The following GALNT14 variants were observed in gnomAD, a reference collection of about 807,000 sequenced individuals.
The protein encoded by GALNT14 is polypeptide N-acetylgalactosaminyltransferase 14, also known as UDP-GalNAc:polypeptide N-acetylgalactosaminyltransferase 14.
In GALNT14, 60 loss-of-function variants were observed where a neutral mutation model predicts 77.5. The observed-to-expected ratio is 0.77, with a 90% CI of 0.63 to 0.96. The LOEUF is 0.96. Among genes scored for constraint, GALNT14 ranks in the 40% least tolerant of loss-of-function variants. GALNT14 has a pLI of 0.00. For missense variants in GALNT14, 710 were observed against 731.0 expected (o/e 0.97, Z 0.33); for synonymous variants, 280 against 281.7 (o/e 0.99, Z 0.06).
chr2:31,074,354 A>C (rs1192140761), intron 1 of GALNT14, among the ~76,000 whole-genome samples: 1 of 152,158 alleles, frequency 6.6e-6, no homozygotes, highest in Non-Finnish European at 1.5e-5. Context: ...GTGACAGTCC[A>C]TATGCAGCGC....
intron 9 of GALNT14, among the ~76,000 whole-genome samples, 186 bp downstream of exon 9, chr2:30,942,015 C>A (rs1028245487): frequency 1.3e-5 from 2 of 152,126 alleles, no homozygotes; most frequent in African/African-American, 4.8e-5. Context: ...CACCCTCCAA[C>A]AACTATTCCT....
At chr2:30,989,389 T>G (rs959400428) in intron 2 of GALNT14, among the ~76,000 whole-genome samples, 28 of 151,748 alleles carry the variant, frequency 1.8e-4, no homozygotes, top group African/African-American at 6.5e-4. Context: ...GGGGTATAGA[T>G]GTGTGCTCCG....
chr2:31,059,219 C>G (rs555571381), intron 1 of GALNT14, among the ~76,000 whole-genome samples: 1 of 152,288 alleles, frequency 6.6e-6, no homozygotes, highest in African/African-American at 2.4e-5. Context: ...AGTCTTGTGG[C>G]TCTACCCTCC....
chr2:30,984,487 G>T (rs1192066026), intron 2 of GALNT14, among the ~76,000 whole-genome samples: 1 of 152,170 alleles, frequency 6.6e-6, no homozygotes, highest in Non-Finnish European at 1.5e-5. Flanking sequence ...GCATTCCAGG[G>T]TTTACTGAAT....
chr2:31,137,106 A>G (rs905131464), intron 1 of GALNT14, among the ~76,000 whole-genome samples: 1 of 152,198 alleles, frequency 6.6e-6, no homozygotes, highest in Non-Finnish European at 1.5e-5. Context: ...GAAGGCTACC[A>G]TGTCACGAAA....
chr2:31,002,659 G>C (rs1670436455), intron 1 of GALNT14, among the ~76,000 whole-genome samples: 1 of 152,186 alleles, frequency 6.6e-6, no homozygotes, highest in Admixed American at 6.5e-5. Context: ...GAGGGAGACG[G>C]TGCAACATAA....
At chr2:30,932,010 C>T (rs751627966) in intron 10 of GALNT14, 58 bp downstream of exon 10, 21 of 1,431,678 alleles carry the variant, frequency 1.5e-5, no homozygotes, top group South Asian at 7.9e-5. Flanking sequence ...TACCAGCAGC[C>T]GCCCAGCCTT....
At chr2:31,131,740 G>A (rs1033016349) in intron 1 of GALNT14, among the ~76,000 whole-genome samples, 2 of 152,174 alleles carry the variant, frequency 1.3e-5, no homozygotes, top group African/African-American at 4.8e-5. Flanking sequence ...TGGGCTTCAG[G>A]CGTCAGCCCA....
chr2:31,058,850 C>T (rs1318848381), intron 1 of GALNT14, among the ~76,000 whole-genome samples: 7 of 152,182 alleles, frequency 4.6e-5, no homozygotes, highest in South Asian at 2.1e-4. Flanking sequence ...CTGCCAAATA[C>T]GAGAACCAGG....
intron 2 of GALNT14, among the ~76,000 whole-genome samples, chr2:30,972,349 C>A (rs975348389): frequency 5.9e-5 from 9 of 152,286 alleles, no homozygotes; most frequent in African/African-American, 1.4e-4. Context: ...ATCAAACAGG[C>A]CTGGCGTGGC....
intron 1 of GALNT14, among the ~76,000 whole-genome samples, chr2:30,995,129 G>A (rs909070832): frequency 8.7e-6 from 1 of 115,000 alleles, no homozygotes. Context: ...CAGAACCAAT[G>A]TTGTGTGTGT....
In GALNT14 at chr2:30,937,221, T is replaced by C. The variant is rs117022034; in HGVS notation, c.931+4980A>G. On this transcript the variant is annotated intron_variant, in intron 9 of 14. Transcript: ENST00000349752. ...CACATAATCCTCGTTTAACAATCCC[T>C]GCTCTCTGAAAGAGAAGGCAGCTCA... 6.9e-4 allele frequency among the ~76,000 whole-genome samples: 105 copies of C among 152,372 alleles called. No homozygotes were observed. The East Asian group carries it at 0.015, about 22-fold the overall frequency.
intron 13 of GALNT14, among the ~76,000 whole-genome samples, chr2:30,920,660 C>T (rs562159076): frequency 5.9e-4 from 89 of 151,986 alleles, no homozygotes; most frequent in African/African-American, 1.9e-3. Context: ...CACACACACA[C>T]ACATAGGCAC....
chr2:30,908,595 G>A (rs1664208197), downstream of GALNT14, among the ~76,000 whole-genome samples: 1 of 141,104 alleles, frequency 7.1e-6, no homozygotes, highest in Admixed American at 7.1e-5. Flanking sequence ...CATGCTCATG[G>A]GTAGGAAGAA....
intron 1 of GALNT14, chr2:31,078,949 T>G (rs190736722): frequency 1.6e-6 from 2 of 1,289,212 alleles, no homozygotes; most frequent in Admixed American, 2.3e-5. Context: ...ACGACTCATC[T>G]TGGGCCATGG....
At chr2:30,990,968 C>T (rs77918726) in intron 2 of GALNT14, among the ~76,000 whole-genome samples, 7,044 of 152,260 alleles carry the variant, frequency 0.046, 499 homozygotes, top group African/African-American at 0.15. Context: ...GTGCAAAGCC[C>T]GGAACTGGAC....
At chr2:31,018,248 A>G (rs1296224517) in intron 1 of GALNT14, among the ~76,000 whole-genome samples, 1 of 152,264 alleles carries the variant, frequency 6.6e-6, no homozygotes, top group Non-Finnish European at 1.5e-5. Flanking sequence ...GAGAGGAATG[A>G]CTACCATATA....
At chr2:31,013,982 G>T (rs1395857233) in intron 1 of GALNT14, among the ~76,000 whole-genome samples, 2 of 152,196 alleles carry the variant, frequency 1.3e-5, no homozygotes, top group East Asian at 3.8e-4. Flanking sequence ...CATGAAAGCT[G>T]CACTTAAGGA....
At chr2:30,917,411 T>C (rs1664752879) in intron 13 of GALNT14, among the ~76,000 whole-genome samples, 2 of 152,174 alleles carry the variant, frequency 1.3e-5, no homozygotes, top group Admixed American at 6.5e-5. Flanking sequence ...GAAGCCCTAG[T>C]CTCACCTGAA....
Sources: gnomAD v4.1 joint callset for allele counts (sites outside exome capture counted in the v4.1 genomes callset) on GRCh38, gnomAD v4.1.1 for gene constraint, MANE v1.5 for transcripts, NCBI Gene and HGNC (gene_info 2026-07-23, HGNC 2026-07-21) for gene names.